IQSEC3: variants seen among roughly 807,000 people sequenced by gnomAD.
The protein encoded by IQSEC3 is IQ motif and SEC7 domain-containing protein 3.
Under a neutral mutation model 105.4 loss-of-function variants are expected in IQSEC3, and 50 were observed. The ratio of observed to expected loss-of-function variants is 0.47; its 90% confidence interval spans 0.38 to 0.60. The LOEUF (loss-of-function observed/expected upper bound fraction) is 0.60. Ranked by LOEUF, IQSEC3 falls within the 20% of genes least tolerant of loss-of-function variation. IQSEC3 has a pLI of 0.00. For missense variants in IQSEC3, 1,415 were observed against 1,630.0 expected, an observed-to-expected ratio of 0.87 and a Z score of 2.27; for synonymous variants, 708 against 746.0, an observed-to-expected ratio of 0.95 and a Z score of 0.83.
At chr12:114,501 AAG>A (rs1209949408) in intron 2 of IQSEC3, among the ~76,000 whole-genome samples, 1 of 152,180 alleles carries the variant, frequency 6.6e-6, no homozygotes, top group Non-Finnish European at 1.5e-5. Flanking sequence ...AATATTCAAA[AAG>A]AGAGAAAGAG....
At chr12:79,920 A>G (rs1224490282) in intron 1 of IQSEC3, among the ~76,000 whole-genome samples, 4 of 152,188 alleles carry the variant, frequency 2.6e-5, no homozygotes, top group Non-Finnish European at 4.4e-5. Flanking sequence ...CTAGTATCCT[A>G]TATGCTGTTC....
intron 7 of IQSEC3, among the ~76,000 whole-genome samples, chr12:161,202 T>C (rs1212419957): frequency 1.3e-5 from 2 of 152,208 alleles, no homozygotes; most frequent in Non-Finnish European, 2.9e-5. Flanking sequence ...TTCCCTCTTA[T>C]AAAAGAAGCG....
At chr12:92,219 T>C (rs1416260666) in intron 1 of IQSEC3, among the ~76,000 whole-genome samples, 1 of 152,236 alleles carries the variant, frequency 6.6e-6, no homozygotes, top group Non-Finnish European at 1.5e-5. Flanking sequence ...GCTGGGATTC[T>C]GTAAGCTTCC....
chr12:159,396 C>A (rs563422860), intron 7 of IQSEC3, among the ~76,000 whole-genome samples: 61 of 152,362 alleles, frequency 4.0e-4, no homozygotes, highest in African/African-American at 1.4e-3. Flanking sequence ...CTGGTTCCTG[C>A]ATGTCAGAGC....
intron 5 of IQSEC3, among the ~76,000 whole-genome samples, chr12:151,972 C>T (rs749875978): frequency 6.6e-6 from 1 of 152,114 alleles, no homozygotes; most frequent in Non-Finnish European, 1.5e-5. Context: ...CTCCTGGAAC[C>T]GTCGTTTCCC....
At chr12:161,607 C>G (rs3817018) in intron 7 of IQSEC3, among the ~76,000 whole-genome samples, 85,999 of 151,954 alleles carry the variant, frequency 0.57, 24,616 homozygotes, top group Middle Eastern at 0.73. Context: ...CAGAGGCGCA[C>G]AGGGTTAGCA....
In IQSEC3 at chr12:96,451, A is replaced by C. The variant is rs563053090; in HGVS notation, c.555-2695A>C. 5.3e-5 allele frequency among the ~76,000 whole-genome samples: 8 copies of C among 152,350 alleles called. No individual in the cohort carries two copies. The South Asian group carries it at 1.2e-3, about 24-fold the overall frequency. Reference sequence around the variant, plus strand: ...CAGGGAAAAGACCTGGAATAGGAAGAGGATTCTCTACAGAATGTAGATTTT... The same window carrying C: ...CAGGGAAAAGACCTGGAATAGGAAGCGGATTCTCTACAGAATGTAGATTTT... On this transcript the variant is annotated intron_variant, in intron 1 of 13. Transcript: ENST00000538872.
chr12:138,639 T>C lies in IQSEC3; in HGVS notation c.1276T>C (p.Cys426Arg). Residue 426 changes from cysteine to arginine, a missense_variant, in exon 4 of 14, where the codon TGC becomes CGC. Cys to Arg is a radical substitution (Grantham distance 180). Around this residue, in one of 6 missense-constraint regions of IQSEC3, gnomAD observed 720 missense variants for 633.0 expected, o/e 1.14. Coordinates refer to ENST00000538872, the MANE Select transcript of IQSEC3 (RefSeq NM_001170738.2). This position sits in a 1 kb window ranked among gnomAD's most constrained non-coding sequence, Gnocchi z 7.1. ...CAGCACGTGGAGCCTCAAGACCATG[T>C]GCTCCCTGCGGGAGAGTGGCGCTTA... is the stretch of plus-strand genomic sequence containing the variant. ...ALSTWSLKTM[C>R]SLRESGAYQL... The C allele has an allele frequency of 6.3e-7, 1 of 1,581,638 alleles. No individual in the cohort carries two copies. Among genetic ancestry groups the C allele is most frequent in the South Asian group, 1.1e-5 (1 of 88,152 alleles).
Position 84,481 on chromosome 12 carries a change from T to C in IQSEC3, c.555-14665T>C, listed in dbSNP as rs16931854. Among the ~76,000 whole-genome samples, 1,299 of 152,366 alleles carry C rather than the reference T, an allele frequency of 8.5e-3. 15 individuals are homozygous for C. The highest frequency in any genetic ancestry group is 0.025 in the African/African-American group (1,048 of 41,582). On this transcript the variant is annotated intron_variant, in intron 1 of 13. Coordinates refer to ENST00000538872, the MANE Select transcript of IQSEC3 (RefSeq NM_001170738.2). ...GTGAGAATATGTATGTGTGTATGTA[T>C]GCATTTACAAATCCAGGAGTGTGCA...
intron 5 of IQSEC3, among the ~76,000 whole-genome samples, chr12:151,516 T>C (rs2368785): frequency 0.22 from 33,724 of 152,106 alleles, 4,116 homozygotes; most frequent in African/African-American, 0.31. Context: ...TGCAGTAGCA[T>C]CCTAACTGGG....
In IQSEC3 at chr12:174,751, C is replaced by T; in HGVS notation, c.3267C>T (p.Thr1089=). The change falls in exon 14 of 14, where the codon ACC becomes ACT. Residue 1089 remains threonine (T), a synonymous_variant. Transcript: ENST00000538872. The part of the protein sequence containing the change: ...LPPPPPTPPG[T]LVQCQQIVKV... ...CGCCGCCACCCACGCCCCCGGGCACCCTGGTGCAGTGCCAGCAAATTGTCA... is the reference window on the plus strand; with the variant it reads ...CGCCGCCACCCACGCCCCCGGGCACTCTGGTGCAGTGCCAGCAAATTGTCA... 1 of 1,592,078 alleles carries T rather than the reference C, an allele frequency of 6.3e-7. No homozygotes were observed. The highest frequency in any genetic ancestry group is 8.5e-7 in the Non-Finnish European group (1 of 1,177,614).
chr12:86,286 G>C (rs1863915624), intron 1 of IQSEC3, among the ~76,000 whole-genome samples: 1 of 152,192 alleles, frequency 6.6e-6, no homozygotes, highest in African/African-American at 2.4e-5. Context: ...GACTCTGAAG[G>C]CTGGGCAGAT....
chr12:160,610 A>G (rs1555095900), intron 7 of IQSEC3, among the ~76,000 whole-genome samples: 1 of 152,098 alleles, frequency 6.6e-6, no homozygotes, highest in Non-Finnish European at 1.5e-5. Flanking sequence ...ATGGACCCCC[A>G]GTCTTCTGCT....
chr12:137,304 G>C (rs1270920737), intron 3 of IQSEC3: 1 of 152,234 alleles, frequency 6.6e-6, no homozygotes, highest in Non-Finnish European at 1.5e-5. Flanking sequence ...GGAGGAGCAG[G>C]GAAGCACGAG....
At chr12:169,505 G>A (rs1477792139) in intron 12 of IQSEC3, among the ~76,000 whole-genome samples, 2 of 152,128 alleles carry the variant, frequency 1.3e-5, no homozygotes, top group Non-Finnish European at 2.9e-5. Context: ...AAGAGGGCAG[G>A]GTGACCAGAA....
chr12:165,554 G>GT, intron 10 of IQSEC3, 21 bp downstream of exon 10: 2 of 1,605,458 alleles, frequency 1.2e-6, no homozygotes, highest in Non-Finnish European at 1.7e-6. Context: ...GACAGCCAGT[G>GT]TAAGTCTTTG....
chr12:101,248 G>A (rs1317021848), intron 2 of IQSEC3, among the ~76,000 whole-genome samples: 1 of 152,216 alleles, frequency 6.6e-6, no homozygotes, highest in Non-Finnish European at 1.5e-5. Flanking sequence ...CCTAGCTCCA[G>A]GTGGGAAGGA....
chr12:91,720 G>A (rs1864091621), intron 1 of IQSEC3, among the ~76,000 whole-genome samples: 1 of 152,166 alleles, frequency 6.6e-6, no homozygotes. Context: ...GTTGGAGGTT[G>A]CAGTGAGCTG....
In IQSEC3 at chr12:93,492, G is replaced by A. The variant is rs11063842; in HGVS notation, c.555-5654G>A. On this transcript the variant is annotated intron_variant, in intron 1 of 13. Coordinates refer to ENST00000538872, the MANE Select transcript of IQSEC3 (RefSeq NM_001170738.2). ...GGTGGCAGTGTTCCAGGGAGGGTGG[G>A]AAGAGAGCAAGGCAGAGACAGAGGG... is the stretch of plus-strand genomic sequence containing the variant. 9.3e-3 allele frequency among the ~76,000 whole-genome samples: 1,421 copies of A among 152,292 alleles called. 11 individuals carry two copies. Among genetic ancestry groups the A allele is most frequent in the Non-Finnish European group, 0.013 (855 of 68,024 alleles).
Sources: allele counts gnomAD v4.1 joint callset (sites outside exome capture counted in the v4.1 genomes callset), GRCh38; gene constraint gnomAD v4.1.1; regional missense constraint gnomAD v4.1.1; non-coding constraint Gnocchi (gnomAD v3.1); transcripts MANE v1.5; gene names NCBI Gene and HGNC (gene_info 2026-07-23, HGNC 2026-07-21).